LDLRAD4: variants seen among roughly 807,000 people sequenced by gnomAD.
The protein encoded by LDLRAD4 is low density lipoprotein receptor class A domain containing 4.
LDLRAD4 carries 5 observed loss-of-function variants against 17.0 expected under a neutral mutation model. That is an observed-to-expected ratio of 0.29 (90% CI 0.15 to 0.62). The LOEUF (loss-of-function observed/expected upper bound fraction) is 0.62. Ranked by LOEUF, LDLRAD4 falls within the 20% of genes least tolerant of loss-of-function variation. The pLI is 0.84. For synonymous variants in LDLRAD4, 168 were observed against 171.8 expected (o/e 0.98, Z 0.17); for missense variants, 340 against 424.7 (o/e 0.80, Z 1.75).
chr18:13,308,964 AT>A (rs1567991131), intron 1 of LDLRAD4, among the ~76,000 whole-genome samples: 1 of 152,178 alleles, frequency 6.6e-6, no homozygotes, highest in Admixed American at 6.5e-5. Context: ...GCCAAAAGTT[AT>A]GTTTGCTTTT....
At chr18:13,275,343 G>C (rs542621136), upstream of LDLRAD4, among the ~76,000 whole-genome samples, 1 of 152,208 alleles carries the variant, frequency 6.6e-6, no homozygotes, top group Non-Finnish European at 1.5e-5. Context: ...CACTGACTCA[G>C]GTTCACTGGT....
At chr18:13,551,741 G>C (rs2094437024) in intron 3 of LDLRAD4, among the ~76,000 whole-genome samples, 1 of 152,190 alleles carries the variant, frequency 6.6e-6, no homozygotes, top group African/African-American at 2.4e-5. Flanking sequence ...GACCTGCCAT[G>C]AATATGGGCC....
rs531220808 is a variant in LDLRAD4, at chr18:13,621,646, C to T, written c.336+375C>T. ...TGTGAGATTCATTGTGTTGTAAAAT[C>T]CTGTCCTGAGCTGGGTCCTGGAGGT... On this transcript the variant is annotated intron_variant, in intron 4 of 5. Coordinates refer to ENST00000359446, the Ensembl canonical transcript of LDLRAD4. The surrounding 1 kb of genome is among the most constrained non-coding windows in gnomAD (Gnocchi z 5.5). Among the ~76,000 whole-genome samples, 20 of 152,316 alleles carry T rather than the reference C, an allele frequency of 1.3e-4. No individual in the cohort carries two copies. In the South Asian group the frequency reaches 3.3e-3, roughly 25 times the overall value.
chr18:13,239,204 ATTGCTGCTTGT>A (rs1169150659), intron 1 of LDLRAD4, among the ~76,000 whole-genome samples: 3 of 150,862 alleles, frequency 2.0e-5, no homozygotes, highest in Non-Finnish European at 4.4e-5. Flanking sequence ...AAAAAAAAAA[ATTGCTGCTTGT>A]AACTGCGGGC....
chr18:13,346,411 T>C (rs953595427), intron 1 of LDLRAD4, among the ~76,000 whole-genome samples: 17 of 152,232 alleles, frequency 1.1e-4, no homozygotes, highest in Admixed American at 1.0e-3. Context: ...TAATCCTGAG[T>C]TCTAGTTTGA....
intron 5 of LDLRAD4, 28 bp downstream of exon 6, chr18:13,643,440 CGGGGGGCGGGGGGGGTGGGTGGGGATGA>C: frequency 7.5e-6 from 1 of 132,500 alleles, no homozygotes; most frequent in Non-Finnish European, 1.2e-5. Flanking sequence ...GTGATGGCTG[CGGGGGGCGGGGGGGGTGGGTGGGGATGA>C]AGGGGGCGTG....
intron 3 of LDLRAD4, chr18:13,462,061 C>G (rs907308072): frequency 6.6e-6 from 1 of 152,150 alleles, no homozygotes; most frequent in Non-Finnish European, 1.5e-5. Context: ...TATTCTCCTG[C>G]CTCATGGGGT....
upstream of LDLRAD4, among the ~76,000 whole-genome samples, chr18:13,274,033 C>T (rs1202919074): frequency 6.6e-6 from 1 of 152,152 alleles, no homozygotes; most frequent in African/African-American, 2.4e-5. Flanking sequence ...TAGGGTATGG[C>T]GTGTGAGGAG....
chr18:13,533,822 G>C (rs1601167271), intron 3 of LDLRAD4, among the ~76,000 whole-genome samples: 1 of 152,304 alleles, frequency 6.6e-6, no homozygotes, highest in East Asian at 1.9e-4. Context: ...TTTCTCTCTT[G>C]ACTCTGATGT....
At chr18:13,581,478 C>A (rs2094856812) in intron 3 of LDLRAD4, among the ~76,000 whole-genome samples, 1 of 152,146 alleles carries the variant, frequency 6.6e-6, no homozygotes, top group Non-Finnish European at 1.5e-5. Context: ...CTCCTAAGTT[C>A]TTTGGAGCCT....
chr18:13,459,454 C>T (rs528945415), intron 3 of LDLRAD4, among the ~76,000 whole-genome samples: 122 of 151,708 alleles, frequency 8.0e-4, no homozygotes, highest in African/African-American at 2.6e-3. Flanking sequence ...GTGATCTCAG[C>T]TCACTGCAAC....
intron 1 of LDLRAD4, among the ~76,000 whole-genome samples, chr18:13,361,677 G>A (rs771879572): frequency 6.6e-5 from 10 of 152,210 alleles, no homozygotes; most frequent in Non-Finnish European, 1.2e-4. Flanking sequence ...CCATGCAGGT[G>A]TTAGGGCTGG....
At chr18:13,458,238 G>A (rs1358958433) in intron 3 of LDLRAD4, among the ~76,000 whole-genome samples, 1 of 152,314 alleles carries the variant, frequency 6.6e-6, no homozygotes, top group East Asian at 1.9e-4. Context: ...GCGTGATGAG[G>A]ATTCAAAATG....
intron 3 of LDLRAD4, among the ~76,000 whole-genome samples, chr18:13,480,182 A>G (rs1044175422): frequency 6.6e-6 from 1 of 152,244 alleles, no homozygotes; most frequent in Non-Finnish European, 1.5e-5. Flanking sequence ...CAGTAGGAGA[A>G]TGGATAACTA....
chr18:13,505,690 C>CAGCT (rs200402595), intron 3 of LDLRAD4, among the ~76,000 whole-genome samples: 96,831 of 151,502 alleles, frequency 0.64, 31,592 homozygotes, highest in East Asian at 0.74. Context: ...TGGTGGTGGG[C>CAGCT]ACCTGTAGTC....
intron 1 of LDLRAD4, among the ~76,000 whole-genome samples, chr18:13,329,458 C>T (rs1389667800): frequency 6.6e-6 from 1 of 152,146 alleles, no homozygotes; most frequent in African/African-American, 2.4e-5. Flanking sequence ...TTTTCTTTTA[C>T]TGTCTGGTCT....
intron 3 of LDLRAD4, among the ~76,000 whole-genome samples, chr18:13,551,161 G>A (rs1275733269): frequency 3.9e-5 from 6 of 152,152 alleles, no homozygotes; most frequent in Admixed American, 2.0e-4. Flanking sequence ...CAACGGCCAC[G>A]AGCAAAATAG....
chr18:13,405,962 G>A (rs1360383333), intron 2 of LDLRAD4, among the ~76,000 whole-genome samples: 2 of 152,160 alleles, frequency 1.3e-5, no homozygotes, highest in African/African-American at 2.4e-5. Context: ...TCCTAAGTCC[G>A]TTTCTTTAAA....
At chr18:13,343,480 T>C (rs756695469) in intron 1 of LDLRAD4, among the ~76,000 whole-genome samples, 83 of 151,550 alleles carry the variant, frequency 5.5e-4, no homozygotes, top group African/African-American at 1.6e-3. Flanking sequence ...TCCAGTCTAT[T>C]GTTGTTGGAC....
Sources: gnomAD v4.1 joint callset for allele counts (sites outside exome capture counted in the v4.1 genomes callset) on GRCh38, gnomAD v4.1.1 for gene constraint, Gnocchi (gnomAD v3.1) non-coding constraint, MANE v1.5 for transcripts, NCBI Gene and HGNC (gene_info 2026-07-23, HGNC 2026-07-21) for gene names.